PLEKHG4B: variants seen among roughly 807,000 people sequenced by gnomAD.
PLEKHG4B encodes the protein pleckstrin homology domain-containing family G member 4B.
In PLEKHG4B, 111 loss-of-function variants were observed where a neutral mutation model predicts 121.3. That is an observed-to-expected ratio of 0.92 (90% CI 0.78 to 1.07). The LOEUF is 1.07. Ranked by LOEUF, PLEKHG4B falls within the 50% of genes least tolerant of loss-of-function variation. The pLI is 0.00. For synonymous variants in PLEKHG4B, 738 were observed against 725.0 expected (o/e 1.02, Z -0.29); for missense variants, 1,831 against 1,757.8 (o/e 1.04, Z -0.74).
intron 1 of PLEKHG4B, among the ~76,000 whole-genome samples, chr5:92,975 A>G (rs1038307361): frequency 6.6e-6 from 1 of 152,150 alleles, no homozygotes; most frequent in Non-Finnish European, 1.5e-5. Flanking sequence ...CAGGTTTTTC[A>G]TGTGAGTTGC....
chr5:156,467 G>T lies in PLEKHG4B; in HGVS notation c.2348+257G>T, dbSNP rs1333852165. On this transcript the variant is annotated intron_variant, in intron 10 of 19. Coordinates refer to ENST00000637938, the MANE Select transcript of PLEKHG4B (RefSeq NM_052909.5). This position sits in a 1 kb window ranked among gnomAD's most constrained non-coding sequence, Gnocchi z 4.4. ...ATCAGAATGAGCTCATTCTTGACCA[G>T]TGCTGCCTGGGGAGCTGTGCCCACC... Among the ~76,000 whole-genome samples, 1 of 151,828 alleles carries T rather than the reference G, an allele frequency of 6.6e-6. No homozygotes were observed. The highest frequency in any genetic ancestry group is 2.4e-5 in the African/African-American group (1 of 41,334).
chr5:181,894 T>C (rs1733403676), intron 19 of PLEKHG4B, 110 bp from the exon 20 acceptor site: 1 of 1,351,918 alleles, frequency 7.4e-7, no homozygotes, highest in African/African-American at 1.4e-5. Flanking sequence ...TGGGCATGAC[T>C]GCAGTGGCAA....
chr5:166,951 G>A (rs958309970), intron 13 of PLEKHG4B, among the ~76,000 whole-genome samples: 3 of 152,216 alleles, frequency 2.0e-5, no homozygotes, highest in African/African-American at 7.2e-5. Context: ...GGAACGCCAA[G>A]CGCTGTCCCT....
chr5:175,405 C>T (rs1736729963), intron 18 of PLEKHG4B, among the ~76,000 whole-genome samples: 1 of 152,118 alleles, frequency 6.6e-6, no homozygotes, highest in Non-Finnish European at 1.5e-5. Flanking sequence ...AGCAACCACC[C>T]CCCACCCCAG....
At chr5:154,126 C>T (rs1326403891) in intron 7 of PLEKHG4B, among the ~76,000 whole-genome samples, 1 of 152,118 alleles carries the variant, frequency 6.6e-6, no homozygotes, top group Non-Finnish European at 1.5e-5. Context: ...CTGCCTCAGC[C>T]TCCTGAGTAG....
chr5:105,396 T>C (rs1393540993), intron 1 of PLEKHG4B, among the ~76,000 whole-genome samples: 4 of 152,262 alleles, frequency 2.6e-5, no homozygotes, highest in Non-Finnish European at 5.9e-5. Context: ...TTAAATGGAA[T>C]CTGAAGGTGT....
chr5:154,827 C>A, intron 7 of PLEKHG4B, 48 bp from the exon 8 acceptor site: 10 of 1,429,794 alleles, frequency 7.0e-6, no homozygotes, highest in Non-Finnish European at 9.9e-6. Flanking sequence ...TGTTTGCCCC[C>A]AAGAGATGCA....
chr5:135,681 AAATATATATATATATATATATATATATAT>A (rs1327574015), intron 2 of PLEKHG4B, among the ~76,000 whole-genome samples: 26 of 38,682 alleles, frequency 6.7e-4, no homozygotes, highest in Middle Eastern at 0.017. Context: ...AAAAAAAAAA[AAATATATATATATATATATATATATATAT>A]ATATATATAT....
At chr5:102,512 A>G (rs1409038675) in intron 1 of PLEKHG4B, among the ~76,000 whole-genome samples, 1 of 151,980 alleles carries the variant, frequency 6.6e-6, no homozygotes, top group Non-Finnish European at 1.5e-5. Flanking sequence ...GCTGTGGGTG[A>G]GTATTCTCAG....
chr5:111,875 G>A (rs967903380), intron 1 of PLEKHG4B, among the ~76,000 whole-genome samples: 2 of 152,046 alleles, frequency 1.3e-5, no homozygotes, highest in Non-Finnish European at 2.9e-5. Context: ...TTCTGTCCCC[G>A]GCCTGAGACA....
intron 2 of PLEKHG4B, among the ~76,000 whole-genome samples, chr5:123,311 T>C (rs777563974): frequency 1.7e-4 from 26 of 152,144 alleles, no homozygotes; most frequent in Non-Finnish European, 3.4e-4. Flanking sequence ...AAATAATCCA[T>C]GGGTAGAAAA....
At chr5:133,511 G>A (rs1734839708) in intron 2 of PLEKHG4B, among the ~76,000 whole-genome samples, 1 of 151,982 alleles carries the variant, frequency 6.6e-6, no homozygotes, top group Non-Finnish European at 1.5e-5. Flanking sequence ...ATATACAGAT[G>A]ACCAACAAAT....
At chr5:102,079 G>A (rs1416182832) in intron 1 of PLEKHG4B, among the ~76,000 whole-genome samples, 1 of 120,872 alleles carries the variant, frequency 8.3e-6, no homozygotes, top group African/African-American at 3.8e-5. Flanking sequence ...TCCATATAAA[G>A]CCCTGGAAAA....
At chr5:118,382 G>A (rs755278769) in intron 2 of PLEKHG4B, among the ~76,000 whole-genome samples, 32 of 152,212 alleles carry the variant, frequency 2.1e-4, no homozygotes, top group African/African-American at 6.8e-4. Context: ...TGGGGCATAC[G>A]TAGAGTGCTG....
At chr5:143,786 C>T (rs754142018) in intron 5 of PLEKHG4B, among the ~76,000 whole-genome samples, 3 of 152,200 alleles carry the variant, frequency 2.0e-5, no homozygotes, top group African/African-American at 7.2e-5. Flanking sequence ...TTCAGCCATC[C>T]GTGTGATGTG....
In PLEKHG4B at chr5:155,253, G is replaced by T. The variant is rs188635108; in HGVS notation, c.2110-92G>T. 3 of 1,173,930 alleles carry T rather than the reference G, an allele frequency of 2.6e-6. No individual in the cohort carries two copies. The East Asian group carries it at 7.0e-5, about 28-fold the overall frequency. 72.7% of individuals were successfully genotyped at this position (1,173,930 alleles called of 1,614,324 possible). ...TATGGAAGCTTCCCAACCCGAGATCGGTCTAAATGCAGAAACTGGAACTCA... is the reference window on the plus strand; with the variant it reads ...TATGGAAGCTTCCCAACCCGAGATCTGTCTAAATGCAGAAACTGGAACTCA... On this transcript the variant is annotated intron_variant, in intron 8 of 19. Coordinates refer to ENST00000637938, the MANE Select transcript of PLEKHG4B (RefSeq NM_052909.5).
chr5:144,957 G>A (rs751216322), intron 6 of PLEKHG4B, 37 bp downstream of exon 6: 1 of 1,566,928 alleles, frequency 6.4e-7, no homozygotes, highest in South Asian at 1.1e-5. Flanking sequence ...GGTGTGCAGA[G>A]CATCGTAGGG....
intron 14 of PLEKHG4B, among the ~76,000 whole-genome samples, chr5:170,667 T>C (rs766460182): frequency 6.6e-5 from 10 of 152,210 alleles, no homozygotes; most frequent in Non-Finnish European, 1.3e-4. Flanking sequence ...ATTGTGGCAA[T>C]TTTAAATGTC....
chr5:171,534 T>A, intron 16 of PLEKHG4B, 90 bp downstream of exon 16: 1 of 1,249,438 alleles, frequency 8.0e-7, no homozygotes, highest in South Asian at 1.4e-5. Context: ...CACACTTTTC[T>A]TGGTGATGTG....
Sources: gnomAD v4.1 joint callset for allele counts (sites outside exome capture counted in the v4.1 genomes callset) on GRCh38, gnomAD v4.1.1 for gene constraint, Gnocchi (gnomAD v3.1) non-coding constraint, MANE v1.5 for transcripts, NCBI Gene and HGNC (gene_info 2026-07-23, HGNC 2026-07-21) for gene names.